The following AIM2 variants were observed in gnomAD, a reference collection of about 807,000 sequenced individuals.
AIM2 encodes interferon-inducible protein AIM2.
Under a neutral mutation model 27.7 loss-of-function variants are expected in AIM2, and 30 were observed. That is an observed-to-expected ratio of 1.08 (90% CI 0.81 to 1.47). The LOEUF (loss-of-function observed/expected upper bound fraction) is 1.47. AIM2 is among the 40% of genes most tolerant of loss of function. The probability of loss-of-function intolerance (pLI) is 0.00; values close to 1 mark genes in which losing one functional copy is unlikely to be tolerated. For missense variants in AIM2, 358 were observed against 411.3 expected (o/e 0.87, Z 1.12); for synonymous variants, 141 against 145.3 (o/e 0.97, Z 0.21).
rs577568842 is a variant in AIM2 at position 159,087,663 on chromosome 1, C to G, written c.-15-21334G>C. Among the ~76,000 whole-genome samples, 3 of 151,082 alleles carry G rather than the reference C, an allele frequency of 2.0e-5. No individual in the cohort carries two copies. In the South Asian group the frequency reaches 6.3e-4, roughly 32 times the overall value. ...TCTCGGCTCACTGCAACCTCTGCCT[C>G]CTGGGTTCAAGCGATTCTCATGCTT... On this transcript the variant is annotated intron_variant, in intron 1 of 2. Coordinates refer to the AIM2 transcript ENST00000368129.
At chr1:159,140,623 G>A (rs1443175038), upstream of AIM2, 1 of 152,228 alleles carries the variant, frequency 6.6e-6, no homozygotes, top group African/African-American at 2.4e-5. Flanking sequence ...TGAGGTGGAG[G>A]TCGGTTCCTG....
chr1:159,138,616 T>C (rs1633331), intron 1 of AIM2, among the ~76,000 whole-genome samples: 137,287 of 152,096 alleles, frequency 0.9, 62,251 homozygotes, highest in East Asian at 1. Flanking sequence ...GGAAGTGGCA[T>C]GAAGTGGGTG....
chr1:159,103,863 C>A (rs528115433), intron 1 of AIM2, among the ~76,000 whole-genome samples: 1 of 152,166 alleles, frequency 6.6e-6, no homozygotes, highest in Non-Finnish European at 1.5e-5. Context: ...TTCACCCACG[C>A]CAGCCAAAGG....
chr1:159,091,701 A>C (rs562846617), intron 1 of AIM2, among the ~76,000 whole-genome samples: 1 of 152,334 alleles, frequency 6.6e-6, no homozygotes, highest in Non-Finnish European at 1.5e-5. Flanking sequence ...AGAGTAACTT[A>C]GGGGGTGATG....
intron 1 of AIM2, among the ~76,000 whole-genome samples, chr1:159,105,899 A>G (rs566840536): frequency 3.2e-4 from 49 of 152,114 alleles, no homozygotes; most frequent in Non-Finnish European, 3.8e-4. Context: ...CCTGGCCCCC[A>G]TGCTTCGGGC....
At chr1:159,063,348 G>A (rs765756430) in intron 5 of AIM2, 138 bp downstream of exon 5, 60 of 783,092 alleles carry the variant, frequency 7.7e-5, no homozygotes, top group Admixed American at 5.3e-4. Context: ...AGGTTCCTCA[G>A]TTCTGTGAGA....
chr1:159,071,097 T>C (rs1462194963), intron 2 of AIM2, among the ~76,000 whole-genome samples: 1 of 152,230 alleles, frequency 6.6e-6, no homozygotes, highest in African/African-American at 2.4e-5. Context: ...TTTGTGGACT[T>C]TGATCACATT....
rs1315484677 is a variant in AIM2, at chr1:159,088,377, G to A, written c.-15-22048C>T. ...GGAGCTGCATGAGTCAGCTGGGCCC[G>A]ATGTTTGCTGCTTCATAATGCCAAG... On this transcript the variant is annotated intron_variant, in intron 1 of 2. Transcript: ENST00000368129. Among the ~76,000 whole-genome samples, 4 of 152,256 alleles carry A rather than the reference G, an allele frequency of 2.6e-5. No individual in the cohort carries two copies. In the East Asian group the frequency reaches 5.8e-4, roughly 22 times the overall value.
chr1:159,073,181 G>T, intron 2 of AIM2, 57 bp downstream of exon 2: 15 of 1,598,576 alleles, frequency 9.4e-6, no homozygotes, highest in Non-Finnish European at 1.3e-5. Flanking sequence ...GCCATGAAAG[G>T]AAAGGCCCAG....
chr1:159,066,463 G>A (rs1283105631), intron 3 of AIM2, 134 bp from the exon 4 acceptor site: 2 of 894,574 alleles, frequency 2.2e-6, no homozygotes, highest in Non-Finnish European at 1.7e-6. Context: ...ATACAGAGGG[G>A]ATACGAAGAG....
chr1:159,099,038 C>T (rs1175556624), intron 1 of AIM2, among the ~76,000 whole-genome samples: 1 of 150,748 alleles, frequency 6.6e-6, no homozygotes, highest in Non-Finnish European at 1.5e-5. Context: ...TGCTCAGTCA[C>T]TCTGGAGAAA....
At chr1:159,123,834 C>T (rs545607738) in intron 1 of AIM2, among the ~76,000 whole-genome samples, 84 of 152,310 alleles carry the variant, frequency 5.5e-4, no homozygotes, top group African/African-American at 1.9e-3. Context: ...CGACCTGCCA[C>T]ATATAGTCAA....
chr1:159,116,676 C>T (rs1438150102), intron 1 of AIM2, among the ~76,000 whole-genome samples: 1 of 151,702 alleles, frequency 6.6e-6, no homozygotes, highest in African/African-American at 2.4e-5. Context: ...CACAACAGGG[C>T]CTGTTGTGGG....
intron 1 of AIM2, among the ~76,000 whole-genome samples, chr1:159,123,348 C>G (rs1169191798): frequency 1.3e-5 from 2 of 152,190 alleles, no homozygotes; most frequent in East Asian, 3.8e-4. Context: ...ACTCATAATT[C>G]AGTGCTTCAT....
At chr1:159,133,460 T>C (rs1274046419) in intron 1 of AIM2, among the ~76,000 whole-genome samples, 1 of 152,196 alleles carries the variant, frequency 6.6e-6, no homozygotes, top group Admixed American at 6.5e-5. Flanking sequence ...CTCACCACCC[T>C]CTCTTCATGT....
At chr1:159,117,172 G>A (rs923400021) in intron 1 of AIM2, among the ~76,000 whole-genome samples, 2 of 152,132 alleles carry the variant, frequency 1.3e-5, no homozygotes, top group East Asian at 1.9e-4. Context: ...CTGTGTAGTA[G>A]CAGAAAAAAG....
chr1:159,109,389 A>G (rs1401165731), intron 1 of AIM2, among the ~76,000 whole-genome samples: 6 of 152,336 alleles, frequency 3.9e-5, no homozygotes, highest in African/African-American at 1.2e-4. Context: ...CTCATCTCTC[A>G]CCTTATACAA....
At chr1:159,122,790 T>A (rs530938291) in intron 1 of AIM2, among the ~76,000 whole-genome samples, 1 of 152,312 alleles carries the variant, frequency 6.6e-6, no homozygotes, top group East Asian at 1.9e-4. Flanking sequence ...GATAGGCATT[T>A]ACTATTTTCA....
chr1:159,126,380 G>T (rs998584029), intron 1 of AIM2, among the ~76,000 whole-genome samples: 8 of 152,186 alleles, frequency 5.3e-5, no homozygotes, highest in Non-Finnish European at 1.2e-4. Flanking sequence ...GGGCACGGTG[G>T]TTCACGCCTG....
Sources: allele counts gnomAD v4.1 joint callset (sites outside exome capture counted in the v4.1 genomes callset), GRCh38; gene constraint gnomAD v4.1.1; transcripts MANE v1.5; gene names NCBI Gene and HGNC (gene_info 2026-07-23, HGNC 2026-07-21).